MAF: variants seen among roughly 807,000 people sequenced by gnomAD.
MAF encodes transcription factor Maf.
A neutral mutation model predicts 22.0 loss-of-function variants in MAF; 10 were observed. The ratio of observed to expected loss-of-function variants is 0.45; its 90% CI spans 0.28 to 0.77. MAF has a LOEUF of 0.77. Among genes scored for constraint, MAF ranks in the 30% least tolerant of loss-of-function variants. The pLI, the probability that MAF is intolerant of heterozygous loss-of-function variation, is 0.12. For synonymous variants in MAF, 337 were observed against 255.8 expected (o/e 1.32, Z -3.03); for missense variants, 544 against 548.4 (o/e 0.99, Z 0.08).
the MAF span, among the ~76,000 whole-genome samples, chr16:79,551,913 C>T: frequency 6.6e-5 from 10 of 152,020 alleles, no homozygotes; most frequent in African/African-American, 2.4e-4. Context: ...CCTGCCAATC[C>T]CTGGCATTAG....
the MAF span, among the ~76,000 whole-genome samples, chr16:79,567,534 T>A: frequency 3.0e-3 from 457 of 152,294 alleles, 4 homozygotes; most frequent in African/African-American, 0.011. Context: ...AAATGACCAA[T>A]GATATTAGCA....
chr16:79,316,992 T>C, the MAF span, among the ~76,000 whole-genome samples: 8 of 152,102 alleles, frequency 5.3e-5, no homozygotes, highest in Non-Finnish European at 1.0e-4. Context: ...AAAACAGGCT[T>C]AGAGAAATGA....
the MAF span, among the ~76,000 whole-genome samples, chr16:79,237,640 G>T: frequency 6.6e-6 from 1 of 151,678 alleles, no homozygotes; most frequent in Non-Finnish European, 1.5e-5. Context: ...AGCGTGCTGT[G>T]CTTCTTAAAC....
the MAF span, among the ~76,000 whole-genome samples, chr16:79,329,087 T>G: frequency 6.6e-6 from 1 of 152,064 alleles, no homozygotes; most frequent in African/African-American, 2.4e-5. Flanking sequence ...GATTTTTTTT[T>G]TTTTAACCCA....
chr16:79,598,155 A>C, intron 1 of MAF: 1 of 1,050,644 alleles, frequency 9.5e-7, no homozygotes, highest in Non-Finnish European at 1.1e-6. Context: ...GAGAAGAAAA[A>C]AAAACTTTGC....
the MAF span, among the ~76,000 whole-genome samples, chr16:79,441,333 C>T: frequency 1.3e-5 from 2 of 152,190 alleles, no homozygotes; most frequent in Non-Finnish European, 2.9e-5. Flanking sequence ...CTCTTACACA[C>T]TTAAAAATGG....
the MAF span, among the ~76,000 whole-genome samples, chr16:79,280,238 C>T: frequency 6.6e-6 from 1 of 152,182 alleles, no homozygotes; most frequent in Non-Finnish European, 1.5e-5. Flanking sequence ...ATAATTGGGA[C>T]TTTTTTGATA....
intron 1 of MAF, among the ~76,000 whole-genome samples, chr16:79,587,303 A>G (rs1163324106): frequency 6.6e-6 from 1 of 152,206 alleles, no homozygotes; most frequent in African/African-American, 2.4e-5. Flanking sequence ...TATGCAAAAA[A>G]TAATAGGAAA....
chr16:79,506,222 TC>T, the MAF span, among the ~76,000 whole-genome samples: 1 of 152,192 alleles, frequency 6.6e-6, no homozygotes, highest in African/African-American at 2.4e-5. Context: ...CCAAGTCCTT[TC>T]TTTGTATTCC....
chr16:79,283,460 G>A, the MAF span, among the ~76,000 whole-genome samples: 1 of 152,102 alleles, frequency 6.6e-6, no homozygotes, highest in Admixed American at 6.5e-5. Context: ...ATTTTAAAAA[G>A]ATCCTCAAAT....
At chr16:79,431,404 C>G in the MAF span, among the ~76,000 whole-genome samples, 1 of 152,164 alleles carries the variant, frequency 6.6e-6, no homozygotes, top group African/African-American at 2.4e-5. Context: ...CTTCTCAGCA[C>G]CTCAGTTTTG....
At chr16:79,441,217 C>G in the MAF span, among the ~76,000 whole-genome samples, 1 of 152,212 alleles carries the variant, frequency 6.6e-6, no homozygotes, top group Non-Finnish European at 1.5e-5. Flanking sequence ...AATTGAACCA[C>G]AGATTTCTGC....
At chr16:79,218,650 T>C in the MAF span, among the ~76,000 whole-genome samples, 2 of 152,218 alleles carry the variant, frequency 1.3e-5, no homozygotes, top group South Asian at 2.1e-4. Context: ...ACTATTTATA[T>C]ATGGTATTCC....
chr16:79,305,909 T>C, the MAF span, among the ~76,000 whole-genome samples: 1 of 152,164 alleles, frequency 6.6e-6, no homozygotes, highest in Non-Finnish European at 1.5e-5. Context: ...ACAGCATGCT[T>C]TTCTGCCACC....
chr16:79,313,695 T>G, the MAF span, among the ~76,000 whole-genome samples: 1 of 152,122 alleles, frequency 6.6e-6, no homozygotes, highest in Non-Finnish European at 1.5e-5. Flanking sequence ...TAGCCTTGCT[T>G]CTGTGGAACC....
chr16:79,508,187 C>A, the MAF span, among the ~76,000 whole-genome samples: 1 of 152,190 alleles, frequency 6.6e-6, no homozygotes, highest in Non-Finnish European at 1.5e-5. Flanking sequence ...TAATTCTGCC[C>A]TTCCAGATCC....
At chr16:79,452,691 G>A in the MAF span, among the ~76,000 whole-genome samples, 5 of 152,070 alleles carry the variant, frequency 3.3e-5, no homozygotes, top group African/African-American at 7.2e-5. Context: ...CTTCTTTGGA[G>A]TCAGCATGGC....
the MAF span, among the ~76,000 whole-genome samples, chr16:79,249,646 TA>T: frequency 6.6e-6 from 1 of 152,178 alleles, no homozygotes; most frequent in Non-Finnish European, 1.5e-5. Flanking sequence ...CTGAACAGAC[TA>T]AGACAACTCC....
chr16:79,247,117 C>A, the MAF span, among the ~76,000 whole-genome samples: 1 of 152,192 alleles, frequency 6.6e-6, no homozygotes, highest in African/African-American at 2.4e-5. Context: ...CAGGGAAGGC[C>A]TCCCCGAGGT....
Sources: allele counts gnomAD v4.1 joint callset (sites outside exome capture counted in the v4.1 genomes callset), GRCh38; gene constraint gnomAD v4.1.1; transcripts MANE v1.5; gene names NCBI Gene and HGNC (gene_info 2026-07-23, HGNC 2026-07-21).